SLC14A2: variants seen among roughly 807,000 people sequenced by gnomAD.
The protein encoded by SLC14A2 is urea transporter 2.
A neutral mutation model predicts 104.6 loss-of-function variants in SLC14A2; 91 were observed. That is an observed-to-expected ratio of 0.87 (90% CI 0.73 to 1.04). SLC14A2 has a LOEUF of 1.04. SLC14A2 is among the 50% of genes least tolerant of loss of function. SLC14A2 has a pLI of 0.00. For missense variants in SLC14A2, 1,189 were observed against 1,156.0 expected (o/e 1.03, Z -0.41); for synonymous variants, 476 against 466.4 (o/e 1.02, Z -0.27).
chr18:45,452,172 T>A (rs1187806138), intron 1 of SLC14A2, among the ~76,000 whole-genome samples: 2 of 152,186 alleles, frequency 1.3e-5, no homozygotes, highest in Non-Finnish European at 2.9e-5. Flanking sequence ...GGCAAGACAC[T>A]GTAGAAGTTT....
Position 45,667,868 on chromosome 18 carries a change from C to A in SLC14A2, c.1753C>A (p.Leu585Ile). The change falls in exon 14 of 20, where the codon CTC (leucine) becomes ATC (isoleucine). Residue 585 changes from leucine (L) to isoleucine (I), a missense_variant. Leu to Ile is a conservative substitution (Grantham distance 5). Transcript: ENST00000255226. ...AGTGTTCCAGTTCTTTGACTGGGTC[C>A]TCCGAGGCACATCTCAAGTGATGTT... ...SPVFQFFDWVLRGTSQVMFVN... is the reference protein window; with the variant it reads ...SPVFQFFDWVIRGTSQVMFVN... 6.2e-7 allele frequency: 1 copy of A among 1,614,186 alleles called. No homozygotes were observed. The highest frequency in any genetic ancestry group is 1.1e-5 in the South Asian group (1 of 91,078).
chr18:45,417,344 A>G (rs570998645), intron 1 of SLC14A2, among the ~76,000 whole-genome samples: 10 of 152,226 alleles, frequency 6.6e-5, no homozygotes, highest in African/African-American at 2.2e-4. Flanking sequence ...GTATTTGTCC[A>G]TTCTCACGCT....
chr18:45,324,022 G>A (rs28732974), intron 1 of SLC14A2, among the ~76,000 whole-genome samples: 35,804 of 152,116 alleles, frequency 0.24, 4,283 homozygotes, highest in South Asian at 0.28. Context: ...TGAAAGAGAC[G>A]TTATAATTTG....
intron 2 of SLC14A2, among the ~76,000 whole-genome samples, chr18:45,550,510 G>A (rs567797707): frequency 4.6e-5 from 7 of 152,246 alleles, no homozygotes; most frequent in African/African-American, 9.6e-5. Flanking sequence ...GGAGTGTGGC[G>A]TATTCATCCC....
At chr18:45,606,734 T>TAAAAAAAAAAAAAAAAAAAAAAAA (rs781251287) in intron 2 of SLC14A2, among the ~76,000 whole-genome samples, 2 of 76,614 alleles carry the variant, frequency 2.6e-5, no homozygotes, top group African/African-American at 8.6e-5. Flanking sequence ...AAAGTCTAAT[T>TAAAAAAAAAAAAAAAAAAAAAAAA]AAAAAAAAAA....
At chr18:45,407,893 T>C (rs993264599) in intron 1 of SLC14A2, among the ~76,000 whole-genome samples, 13 of 152,148 alleles carry the variant, frequency 8.5e-5, no homozygotes, top group African/African-American at 2.9e-4. Flanking sequence ...AGATCACTGA[T>C]CACAGATCAC....
chr18:45,346,932 A>T (rs2085454117), intron 1 of SLC14A2, among the ~76,000 whole-genome samples: 1 of 151,794 alleles, frequency 6.6e-6, no homozygotes, highest in South Asian at 2.1e-4. Context: ...ACTGCACTGC[A>T]CTCCAGCCTG....
At chr18:45,614,610 G>C (rs924015464), upstream of SLC14A2, among the ~76,000 whole-genome samples, 1 of 152,186 alleles carries the variant, frequency 6.6e-6, no homozygotes, top group African/African-American at 2.4e-5. Context: ...AGCATGACCT[G>C]GATATGAGAC....
Position 45,226,461 on chromosome 18 carries a change from T to C in SLC14A2, c.-125+13270T>C, listed in dbSNP as rs1366208792. Among the ~76,000 whole-genome samples the C allele has an allele frequency of 3.3e-5, 5 of 152,024 alleles. No individual in the cohort carries two copies. The South Asian group carries it at 6.2e-4, about 19-fold the overall frequency. ...CAAATTGGATTAAGAAAATGTGGCA[T>C]ATATACACCATGGAATACTATGCAG... On this transcript the variant is annotated intron_variant, in intron 1 of 20. Coordinates refer to the SLC14A2 transcript ENST00000586448.
intron 1 of SLC14A2, among the ~76,000 whole-genome samples, chr18:45,341,596 T>TA (rs2085396273): frequency 1.1e-5 from 1 of 90,906 alleles, no homozygotes; most frequent in African/African-American, 5.7e-5. Context: ...CTAGTATTAC[T>TA]TTTTTTTTTT....
At chr18:45,569,108 T>C (rs1354035420) in intron 2 of SLC14A2, among the ~76,000 whole-genome samples, 1 of 152,254 alleles carries the variant, frequency 6.6e-6, no homozygotes, top group East Asian at 1.9e-4. Flanking sequence ...AACATTTCAC[T>C]AGTTAGGAGG....
chr18:45,174,852 G>C, the SLC14A2 span, among the ~76,000 whole-genome samples: 7 of 152,096 alleles, frequency 4.6e-5, no homozygotes, highest in African/African-American at 1.7e-4. Context: ...AAATGCAAAA[G>C]GCTCTTAAAT....
chr18:45,622,773 A>C (rs930508236), intron 1 of SLC14A2, among the ~76,000 whole-genome samples: 1 of 152,142 alleles, frequency 6.6e-6, no homozygotes, highest in African/African-American at 2.4e-5. Context: ...TGGGATGGGG[A>C]CTGAAAGTGG....
At chr18:45,603,350 A>G (rs1169013065) in intron 2 of SLC14A2, among the ~76,000 whole-genome samples, 1 of 152,074 alleles carries the variant, frequency 6.6e-6, no homozygotes. Flanking sequence ...GGTTTCCCAG[A>G]GAGTGGTCTG....
chr18:45,211,048 C>T (rs2083957031), upstream of SLC14A2, among the ~76,000 whole-genome samples: 3 of 152,128 alleles, frequency 2.0e-5, no homozygotes, highest in Admixed American at 1.3e-4. Flanking sequence ...CCCCTTTTCC[C>T]GAGTTGTGAT....
chr18:45,326,501 C>A (rs2085235967), intron 1 of SLC14A2, among the ~76,000 whole-genome samples: 1 of 152,176 alleles, frequency 6.6e-6, no homozygotes, highest in Non-Finnish European at 1.5e-5. Flanking sequence ...AGGAGAGGAG[C>A]AAAAGTGCTT....
chr18:45,632,490 C>T lies in SLC14A2; in HGVS notation c.650+12C>T, dbSNP rs2045361599. 6 of 1,612,538 alleles carry T rather than the reference C, an allele frequency of 3.7e-6. No homozygotes were observed. The highest frequency in any genetic ancestry group is 3.3e-5 in the Admixed American group (2 of 59,736). ...ACAGCCATGTCCTGGTGAGGCACCT[C>T]ATTTTTTCTGCTCACAGCTCCATGG... On this transcript the variant is annotated intron_variant, in intron 5 of 19. Coordinates refer to ENST00000255226, the MANE Select transcript of SLC14A2 (RefSeq NM_007163.4).
intron 1 of SLC14A2, among the ~76,000 whole-genome samples, chr18:45,257,785 T>A (rs1341534718): frequency 1.3e-5 from 2 of 152,204 alleles, no homozygotes; most frequent in African/African-American, 4.8e-5. Flanking sequence ...TTATATTACC[T>A]AGGTTGGCTA....
In SLC14A2 at chr18:45,512,875, C is replaced by T. The variant is rs537594386; in HGVS notation, c.-35+29553C>T. On this transcript the variant is annotated intron_variant, in intron 2 of 20. Transcript: ENST00000586448. ...GACATCATTTCTCAGCAACCAGTACCGTGGCTAGTTCAGAATGTTTTCAAG... is the reference window on the plus strand; with the variant it reads ...GACATCATTTCTCAGCAACCAGTACTGTGGCTAGTTCAGAATGTTTTCAAG... 1.5e-3 allele frequency among the ~76,000 whole-genome samples: 235 copies of T among 152,254 alleles called. 2 individuals carry two copies. The highest frequency in any genetic ancestry group is 5.2e-3 in the African/African-American group (217 of 41,538).
Sources: allele counts gnomAD v4.1 joint callset (sites outside exome capture counted in the v4.1 genomes callset), GRCh38; gene constraint gnomAD v4.1.1; transcripts MANE v1.5; gene names NCBI Gene and HGNC (gene_info 2026-07-23, HGNC 2026-07-21).